UNC5D: variants seen among roughly 807,000 people sequenced by gnomAD.
UNC5D encodes unc-5 netrin receptor D, also known as netrin receptor UNC5D.
Under a neutral mutation model 105.4 loss-of-function variants are expected in UNC5D, and 39 were observed. That is an observed-to-expected ratio of 0.37 (90% CI 0.29 to 0.48). The LOEUF is 0.48. UNC5D is among the 20% of genes least tolerant of loss of function. UNC5D has a pLI of 0.98. For synonymous variants in UNC5D, 452 were observed against 450.4 expected (o/e 1.00, Z -0.04); for missense variants, 991 against 1,202.4 (o/e 0.82, Z 2.60).
intron 1 of UNC5D, among the ~76,000 whole-genome samples, chr8:35,501,303 A>C (rs1413186439): frequency 6.6e-6 from 1 of 152,198 alleles, no homozygotes; most frequent in African/African-American, 2.4e-5. Flanking sequence ...AAGAGTCCCC[A>C]CCAGTTGGCC....
intron 15 of UNC5D, among the ~76,000 whole-genome samples, chr8:35,771,729 A>C (rs1301407898): frequency 6.6e-6 from 1 of 152,148 alleles, no homozygotes; most frequent in Non-Finnish European, 1.5e-5. Context: ...AGTCTTTCCT[A>C]CTGTACTCAG....
At chr8:35,265,800 G>A (rs2128827637) in intron 1 of UNC5D, among the ~76,000 whole-genome samples, 1 of 151,904 alleles carries the variant, frequency 6.6e-6, no homozygotes, top group Middle Eastern at 3.4e-3. Context: ...AACCCAGGAG[G>A]CAGAGCTTGC....
intron 4 of UNC5D, among the ~76,000 whole-genome samples, chr8:35,624,581 A>C (rs576232593): frequency 9.2e-5 from 14 of 152,346 alleles, no homozygotes; most frequent in African/African-American, 3.4e-4. Flanking sequence ...TCTGCCTTAC[A>C]AGCTGATATC....
chr8:35,396,331 G>T (rs573636064), intron 1 of UNC5D, among the ~76,000 whole-genome samples: 1 of 152,266 alleles, frequency 6.6e-6, no homozygotes, highest in South Asian at 2.1e-4. Flanking sequence ...AAAGGCTCAT[G>T]GGGCTGAGTC....
intron 9 of UNC5D, among the ~76,000 whole-genome samples, chr8:35,725,528 G>C (rs1828811425): frequency 6.6e-6 from 1 of 152,056 alleles, no homozygotes; most frequent in Non-Finnish European, 1.5e-5. Context: ...CCCTCGCAGA[G>C]TGACATATGA....
chr8:35,660,276 A>C (rs1824029531), intron 4 of UNC5D, among the ~76,000 whole-genome samples: 1 of 152,230 alleles, frequency 6.6e-6, no homozygotes, highest in African/African-American at 2.4e-5. Context: ...GGTTTTGCCT[A>C]GAGCTGGTCT....
chr8:35,650,636 T>G (rs1823347147), intron 4 of UNC5D, among the ~76,000 whole-genome samples: 1 of 151,770 alleles, frequency 6.6e-6, no homozygotes, highest in Non-Finnish European at 1.5e-5. Context: ...CCCAGCTAAT[T>G]TTTTTTTGTA....
At chr8:35,284,059 A>C (rs1416537597) in intron 1 of UNC5D, among the ~76,000 whole-genome samples, 1 of 152,230 alleles carries the variant, frequency 6.6e-6, no homozygotes, top group Non-Finnish European at 1.5e-5. Context: ...ATTTAGTGAG[A>C]ATATCAACAG....
chr8:35,585,528 G>A (rs1327323437), intron 3 of UNC5D, among the ~76,000 whole-genome samples: 5 of 71,292 alleles, frequency 7.0e-5, no homozygotes, highest in African/African-American at 1.1e-4. Context: ...ACCATAATAT[G>A]TGTGTGTGTG....
chr8:35,685,759 A>C (rs2131348849), intron 6 of UNC5D, among the ~76,000 whole-genome samples: 1 of 152,324 alleles, frequency 6.6e-6, no homozygotes, highest in African/African-American at 2.4e-5. Flanking sequence ...TCAGCGGATA[A>C]GTTGGCAGAT....
intron 1 of UNC5D, among the ~76,000 whole-genome samples, chr8:35,513,900 A>T (rs895021135): frequency 8.5e-5 from 13 of 152,250 alleles, no homozygotes; most frequent in African/African-American, 3.1e-4. Context: ...TTTTGTTTAC[A>T]TCCCTTATTT....
intron 4 of UNC5D, among the ~76,000 whole-genome samples, chr8:35,659,857 G>A (rs1373296901): frequency 6.6e-6 from 1 of 152,156 alleles, no homozygotes; most frequent in African/African-American, 2.4e-5. Flanking sequence ...ATGTACCCAA[G>A]CTATAAGGAA....
At position 35,332,570 on chromosome 8, in the gene UNC5D, G is replaced by T. The variant is rs115289103; in HGVS notation, c.103+96683G>T. On this transcript the variant is annotated intron_variant, in intron 1 of 16. Transcript: ENST00000404895. ...GAGTTCTGATGGTCAGACCATGATAGTTTCATGTGGTTTTTAAAACATAAA... is the reference window on the plus strand; with the variant it reads ...GAGTTCTGATGGTCAGACCATGATATTTTCATGTGGTTTTTAAAACATAAA... 9.1e-3 allele frequency among the ~76,000 whole-genome samples: 1,392 copies of T among 152,318 alleles called. 27 individuals are homozygous for T. The highest frequency in any genetic ancestry group is 0.033 in the African/African-American group (1,363 of 41,574).
chr8:35,698,871 A>G (rs1020103632), intron 7 of UNC5D, among the ~76,000 whole-genome samples: 19 of 152,084 alleles, frequency 1.2e-4, no homozygotes, highest in Non-Finnish European at 2.2e-4. Context: ...TAGAATCTGG[A>G]CTTTTTGTTC....
intron 5 of UNC5D, 57 bp from the exon 6 acceptor site, chr8:35,684,525 G>C: frequency 1.9e-6 from 3 of 1,575,806 alleles, no homozygotes; most frequent in Non-Finnish European, 2.6e-6. Flanking sequence ...GCACATAGTA[G>C]GCAATCAGTA....
intron 1 of UNC5D, among the ~76,000 whole-genome samples, chr8:35,243,576 C>G (rs575224117): frequency 6.6e-6 from 1 of 152,182 alleles, no homozygotes; most frequent in Admixed American, 6.5e-5. Context: ...TTGGCAGGAG[C>G]TACATATGCT....
chr8:35,423,269 C>T (rs892696781), intron 1 of UNC5D, among the ~76,000 whole-genome samples: 5 of 152,138 alleles, frequency 3.3e-5, no homozygotes, highest in Admixed American at 2.6e-4. Context: ...TGTCACCACA[C>T]GTGCCCTTGA....
At chr8:35,734,362 A>G (rs1299560410) in intron 11 of UNC5D, among the ~76,000 whole-genome samples, 2 of 147,418 alleles carry the variant, frequency 1.4e-5, no homozygotes, top group Non-Finnish European at 1.5e-5. Context: ...AAAAAAAAAA[A>G]GCCTGTCTCA....
chr8:35,428,604 A>G (rs1047233931), intron 1 of UNC5D, among the ~76,000 whole-genome samples: 7 of 152,008 alleles, frequency 4.6e-5, no homozygotes, highest in Non-Finnish European at 7.4e-5. Context: ...TTTGGCGGCT[A>G]TGATACACAT....
Sources: allele counts gnomAD v4.1 joint callset (sites outside exome capture counted in the v4.1 genomes callset), GRCh38; gene constraint gnomAD v4.1.1; transcripts MANE v1.5; gene names NCBI Gene and HGNC (gene_info 2026-07-23, HGNC 2026-07-21).